Variants in PER1 observed in about 807,000 individuals in gnomAD.
PER1 encodes the protein period circadian protein homolog 1.
In PER1, 87 loss-of-function variants were observed where a neutral mutation model predicts 125.9. That is an observed-to-expected ratio of 0.69 (90% CI 0.58 to 0.83). PER1 has a LOEUF of 0.83. Ranked by LOEUF, PER1 falls within the 40% of genes least tolerant of loss-of-function variation. The probability of loss-of-function intolerance (pLI) is 0.00; values close to 1 mark genes in which losing one functional copy is unlikely to be tolerated. For synonymous variants in PER1, 801 were observed against 714.7 expected, an observed-to-expected ratio of 1.12 and a Z score of -1.93; for missense variants, 1,775 against 1,722.8, an observed-to-expected ratio of 1.03 and a Z score of -0.54.
At chr17:8,141,687 ATCCCTTG>A in intron 22 of PER1, 111 bp downstream of exon 22, 1 of 1,020,060 alleles carries the variant, frequency 9.8e-7, no homozygotes, top group South Asian at 1.6e-5. Flanking sequence ...CTTGGCCTCG[ATCCCTTG>A]AACTTGAGCT....
chr17:8,140,939 G>T lies in PER1; in HGVS notation c.*129C>A. 9.2e-7 allele frequency: 1 copy of T among 1,090,906 alleles called. No individual in the cohort carries two copies. The allele number at this position is 1,090,906 out of a possible 1,614,324, so 67.6% of individuals were successfully genotyped here. ...GATCCTAGGCTGGTGATGGGGGTCC[G>T]GCCCCCTATGGTGGGAGAAGCTGGG... is the stretch of plus-strand genomic sequence containing the variant. On this transcript the variant is annotated 3_prime_UTR_variant, in exon 23 of 23. Transcript: ENST00000317276.
At position 8,149,855 on chromosome 17, in the gene PER1, T is replaced by G. The variant is rs1982724406; in HGVS notation, c.551A>C (p.Gln184Pro). The G allele has an allele frequency of 6.2e-7, 1 of 1,614,172 alleles. No homozygotes were observed. The highest frequency in any genetic ancestry group is 8.5e-7 in the Non-Finnish European group (1 of 1,180,046). The change falls in exon 5 of 23, where the codon CAG becomes CCG. Residue 184 changes from glutamine to proline, a missense_variant. Transcript: ENST00000317276. Reference sequence around the variant, plus strand: ...AGGCTCGCCCTCCTCCAGGCTCCACTGCTGGTAGTATTCCTGGTTGGCTGC... The same window carrying G: ...AGGCTCGCCCTCCTCCAGGCTCCACGGCTGGTAGTATTCCTGGTTGGCTGC... ...QVQANQEYYQ[Q>P]WSLEEGEPCS... is the part of the protein sequence containing the mutation.
In PER1 at chr17:8,147,009, G is replaced by A. The variant is rs1982494849; in HGVS notation, c.1630-7C>T. The A allele has an allele frequency of 6.2e-7, 1 of 1,606,796 alleles. No individual in the cohort carries two copies. The highest frequency in any genetic ancestry group is 8.5e-7 in the Non-Finnish European group (1 of 1,173,600). Reference sequence around the variant, plus strand: ...AGATCTGCTGGAAAGTCACCTGTGGGACACAGCACCACAGTGAGCAGAACC... The same window carrying A: ...AGATCTGCTGGAAAGTCACCTGTGGAACACAGCACCACAGTGAGCAGAACC... On this transcript the variant is annotated splice_polypyrimidine_tract_variant and splice_region_variant and intron_variant, in intron 13 of 22. Coordinates refer to ENST00000317276, the MANE Select transcript of PER1 (RefSeq NM_002616.3).
intron 7 of PER1, 84 bp downstream of exon 7, chr17:8,149,175 T>A: frequency 1.6e-6 from 2 of 1,247,554 alleles, no homozygotes; most frequent in Non-Finnish European, 2.3e-6. Flanking sequence ...GGTGACAGAG[T>A]GAGACTCCCT....
rs759915964 is a variant in PER1, at chr17:8,149,252, C to T, written c.905+7G>A. The T allele has an allele frequency of 6.2e-7, 1 of 1,612,324 alleles. No homozygotes were observed. Among genetic ancestry groups the T allele is most frequent in the Admixed American group, 1.7e-5 (1 of 60,018 alleles). On this transcript the variant is annotated splice_region_variant and intron_variant, in intron 7 of 22. Coordinates refer to ENST00000317276, the MANE Select transcript of PER1 (RefSeq NM_002616.3). Reference sequence around the variant, plus strand: ...GGCAGAGGTCTTCTCCAGTTCCCCTCACCTACCTGATACGGCAGAAGACGG... The same window carrying T: ...GGCAGAGGTCTTCTCCAGTTCCCCTTACCTACCTGATACGGCAGAAGACGG...
rs1982732569 is a variant in PER1, at chr17:8,149,955, G to A, written c.529+16C>T. ...GCCCAGGCCCAGGCCATTCCCTCTT[G>A]GGACACACCACTTACCCTGCACCTG... On this transcript the variant is annotated intron_variant, in intron 4 of 22. Transcript: ENST00000317276. 1 of 1,613,632 alleles carries A rather than the reference G, an allele frequency of 6.2e-7. No individual in the cohort carries two copies. The highest frequency in any genetic ancestry group is 8.5e-7 in the Non-Finnish European group (1 of 1,179,616).
intron 20 of PER1, 49 bp from the exon 21 acceptor site, chr17:8,142,507 A>T (rs1291830394): frequency 6.5e-7 from 1 of 1,544,732 alleles, no homozygotes; most frequent in Non-Finnish European, 8.7e-7. Context: ...CTGCATGCCC[A>T]CTCCTGGGAC....
At position 8,141,321 on chromosome 17, in the gene PER1, C is replaced by T. The variant is rs774357459; in HGVS notation, c.3620G>A (p.Ser1207Asn). The part of the protein sequence containing the change: ...LDVMACVDCG[S>N]STQDPGHPDD... Reference sequence around the variant, plus strand: ...AGGGTGACCAGGATCTTGGGTGCTGCTCCCACAGTCCACACAGGCCTTGGT... The same window carrying T: ...AGGGTGACCAGGATCTTGGGTGCTGTTCCCACAGTCCACACAGGCCTTGGT... Residue 1207 changes from serine to asparagine, a missense_variant, in exon 23 of 23, where the codon AGC (serine) becomes AAC (asparagine). Physicochemically the swap from Ser to Asn is conservative, Grantham distance 46. Transcript: ENST00000317276. The T allele has an allele frequency of 1.2e-6, 2 of 1,611,166 alleles. No homozygotes were observed. Among genetic ancestry groups the T allele is most frequent in the South Asian group, 1.1e-5 (1 of 90,972 alleles).
chr17:8,143,513 G>A lies in PER1; in HGVS notation c.2825C>T (p.Pro942Leu), dbSNP rs1242465415. 1.9e-6 allele frequency: 3 copies of A among 1,550,732 alleles called. No homozygotes were observed. The highest frequency in any genetic ancestry group is 1.7e-4 in the Middle Eastern group (1 of 5,792). The change falls in exon 19 of 23, where the codon CCT (proline) becomes CTT (leucine). Residue 942 changes from proline to leucine, a missense_variant. Transcript: ENST00000317276. ...GGCAGGAGTGGGAGGCCCTTCAGCA[G>A]GGGTCTGGAGTGCCCCATAAGGATA... Reference protein sequence around the residue: ...SSYPYGALQTPAEGPPTPASH... With the variant: ...SSYPYGALQTLAEGPPTPASH...
intron 16 of PER1, 46 bp downstream of exon 16, chr17:8,146,326 C>A: frequency 6.4e-7 from 1 of 1,556,758 alleles, no homozygotes; most frequent in Middle Eastern, 1.8e-4. Context: ...CACAGGGCCA[C>A]CAGGCCAGGA....
Position 8,148,733 on chromosome 17 carries a change from G to C in PER1, c.959C>G (p.Pro320Arg), listed in dbSNP as rs1178059113. ...TGAGACCCGGATCTTGGTCACATAC[G>C]GGGTTAGGCGGAATGGCTGGTACCG... ...GPRYQPFRLT[P>R]YVTKIRVSDG... The change falls in exon 8 of 23, where the codon CCG becomes CGG. Residue 320 changes from proline to arginine, a missense_variant. Pro to Arg is a moderately radical substitution (Grantham distance 103). Transcript: ENST00000317276. 10 of 1,613,948 alleles carry C rather than the reference G, an allele frequency of 6.2e-6. No individual in the cohort carries two copies. The highest frequency in any genetic ancestry group is 1.7e-4 in the Middle Eastern group (1 of 6,058).
chr17:8,141,208 T>C lies in PER1; in HGVS notation c.3733A>G (p.Ser1245Gly), dbSNP rs1458688580. 20 of 1,614,032 alleles carry C rather than the reference T, an allele frequency of 1.2e-5. No individual in the cohort carries two copies. Among genetic ancestry groups the C allele is most frequent in the Non-Finnish European group, 1.4e-5 (16 of 1,180,036 alleles). The change falls in exon 23 of 23, where the codon AGT (serine) becomes GGT (glycine). Residue 1245 changes from serine (S) to glycine (G), a missense_variant. Coordinates refer to ENST00000317276, the MANE Select transcript of PER1 (RefSeq NM_002616.3). Reference sequence around the variant, plus strand: ...TCCTCGCAGCCCTCTCCCTCACCACTGCCGCCACCGCTGCTGCCCTGCTCG... The same window carrying C: ...TCCTCGCAGCCCTCTCCCTCACCACCGCCGCCACCGCTGCTGCCCTGCTCG... Reference protein sequence around the residue: ...GGEQGSSGGGSGEGEGCEEAQ... With the variant: ...GGEQGSSGGGGGEGEGCEEAQ...
chr17:8,142,051 C>T lies in PER1; in HGVS notation c.3450-96G>A, dbSNP rs1222956320. The stretch of plus-strand genomic sequence containing the variant: ...TCCTTCCTCTACCACAGCTTCCCAC[C>T]TCATGCTCCTCCCCTAAACTAGTGC... On this transcript the variant is annotated intron_variant, in intron 21 of 22. Transcript: ENST00000317276. The T allele has an allele frequency of 1.5e-5, 23 of 1,491,238 alleles. No individual in the cohort carries two copies. The Admixed American group carries it at 1.6e-4, about 10-fold the overall frequency. 92.4% of individuals were successfully genotyped at this position (1,491,238 alleles called of 1,614,324 possible).
intron 16 of PER1, 110 bp downstream of exon 16, chr17:8,146,262 G>C (rs184675811): frequency 1.4e-5 from 22 of 1,517,710 alleles, no homozygotes; most frequent in East Asian, 4.5e-5. Flanking sequence ...AGACCAGGAG[G>C]CTGGGGAGGA....
chr17:8,146,241 G>C, intron 16 of PER1, 104 bp from the exon 17 acceptor site: 1 of 1,521,022 alleles, frequency 6.6e-7, no homozygotes, highest in Non-Finnish European at 8.9e-7. Context: ...GGAACAGAGG[G>C]AACAGTCTGG....
At chr17:8,145,133 C>A in intron 17 of PER1, 140 bp from the exon 18 acceptor site, 1 of 896,348 alleles carries the variant, frequency 1.1e-6, no homozygotes, top group East Asian at 3.0e-5. Flanking sequence ...ATGTACGTTT[C>A]TTGGTCACCT....
At position 8,145,006 on chromosome 17, in the gene PER1, A is replaced by T; in HGVS notation, c.2219-13T>A. The T allele has an allele frequency of 6.9e-7, 1 of 1,458,262 alleles. No homozygotes were observed. Among genetic ancestry groups the T allele is most frequent in the Non-Finnish European group, 9.1e-7 (1 of 1,102,878 alleles). 90.3% of individuals were successfully genotyped at this position (1,458,262 alleles called of 1,614,324 possible). A position where few individuals can be genotyped will look rare whatever the true frequency, so the allele number is the denominator to read the frequency against. On this transcript the variant is annotated splice_polypyrimidine_tract_variant and intron_variant, in intron 17 of 22. Coordinates refer to ENST00000317276, the MANE Select transcript of PER1 (RefSeq NM_002616.3). The stretch of plus-strand genomic sequence containing the variant: ...ATCATGATGATGTCTGAGGAGAGTG[A>T]GATAGGGAAAGGTCATCAGAACCAC...
chr17:8,146,380 G>T lies in PER1; in HGVS notation c.2030C>A (p.Thr677Asn). 6.2e-7 allele frequency: 1 copy of T among 1,604,528 alleles called. No individual in the cohort carries two copies. Among genetic ancestry groups the T allele is most frequent in the Non-Finnish European group, 8.5e-7 (1 of 1,175,154 alleles). Reference sequence around the variant, plus strand: ...GTGCATTGGATCTTTACCTTTCTTGGTCCCCACAGAGACTGGACCTGTCCT... The same window carrying T: ...GTGCATTGGATCTTTACCTTTCTTGTTCCCCACAGAGACTGGACCTGTCCT... ...RQRTGPVSVG[T>N]KKDPPSAALS... The change falls in exon 16 of 23, where the codon ACC (threonine) becomes AAC (asparagine). Residue 677 changes from threonine to asparagine, a missense_variant. Physicochemically the swap from Thr to Asn is moderately conservative, Grantham distance 65. Transcript: ENST00000317276.
At position 8,143,409 on chromosome 17, in the gene PER1, T is replaced by C; in HGVS notation, c.2929A>G (p.Arg977Gly). 6.2e-7 allele frequency: 1 copy of C among 1,613,008 alleles called. No individual in the cohort carries two copies. Among genetic ancestry groups the C allele is most frequent in the Non-Finnish European group, 8.5e-7 (1 of 1,179,598 alleles). Residue 977 changes from arginine (R) to glycine (G), a missense_variant, in exon 19 of 23, where the codon AGA becomes GGA. Transcript: ENST00000317276. Reference protein sequence around the residue: ...HRPDSPLFNSRCSSPLQLNLL... With the variant: ...HRPDSPLFNSGCSSPLQLNLL... ...TTGAGCTGGAGTGGAGAGCTGCATC[T>C]CGAGTTGAACAGTGGAGAGTCCGGG...
Sources: gnomAD v4.1 joint callset for allele counts on GRCh38, gnomAD v4.1.1 for gene constraint, MANE v1.5 for transcripts, NCBI Gene and HGNC (gene_info 2026-07-23, HGNC 2026-07-21) for gene names.